AP5M1: variants seen among roughly 807,000 people sequenced by gnomAD.
AP5M1 encodes adaptor related protein complex 5 subunit mu 1.
Under a neutral mutation model 52.3 loss-of-function variants are expected in AP5M1, and 44 were observed. That is an observed-to-expected ratio of 0.84 (90% CI 0.66 to 1.08). AP5M1 has a LOEUF of 1.08. AP5M1 is among the 50% of genes least tolerant of loss of function. The pLI is 0.00. For synonymous variants in AP5M1, 213 were observed against 199.0 expected (o/e 1.07, Z -0.59); for missense variants, 526 against 568.4 (o/e 0.93, Z 0.76).
rs1252742159 is a variant in AP5M1 at position 57,294,625 on chromosome 14, G to T, written c.*5741G>T. On this transcript the variant is annotated 3_prime_UTR_variant, in exon 8 of 8. Coordinates refer to ENST00000261558, the MANE Select transcript of AP5M1 (RefSeq NM_018229.4). Reference sequence around the variant, plus strand: ...TCCACTGGTTTTATAGGTGTGTTTAGTGTGAAGAATGTGATACCATTGAAC... The same window carrying T: ...TCCACTGGTTTTATAGGTGTGTTTATTGTGAAGAATGTGATACCATTGAAC... 6.6e-6 allele frequency: 1 copy of T among 151,874 alleles called. No homozygotes were observed. The highest frequency in any genetic ancestry group is 2.4e-5 in the African/African-American group (1 of 41,404). The allele number at this position is 151,874 out of a possible 1,614,324, so 9.4% of individuals were successfully genotyped here. A position where few individuals can be genotyped will look rare whatever the true frequency, so the allele number is the denominator to read the frequency against.
At chr14:57,271,630 T>A (rs1884899179) in intron 1 of AP5M1, among the ~76,000 whole-genome samples, 1 of 141,676 alleles carries the variant, frequency 7.1e-6, no homozygotes, top group South Asian at 2.1e-4. Context: ...TTTACCATTG[T>A]CAATTAACTT....
chr14:57,274,823 A>G lies in AP5M1; in HGVS notation c.654A>G (p.Lys218=), dbSNP rs902107266. 6.2e-7 allele frequency: 1 copy of G among 1,614,216 alleles called. No individual in the cohort carries two copies. The highest frequency in any genetic ancestry group is 1.7e-5 in the Admixed American group (1 of 60,022). The stretch of plus-strand genomic sequence containing the variant: ...CTATTTCTATCACTGAAAAGGTAAA[A>G]TCCATGCAATATGATAAACAGGGTA... ...QVSISITEKV[K]SMQYDKQGIA... The change falls in exon 2 of 8, where the codon AAA becomes AAG. Residue 218 remains lysine (K), a synonymous_variant. Transcript: ENST00000261558.
chr14:57,283,973 T>G (rs926536635), intron 6 of AP5M1, among the ~76,000 whole-genome samples: 2 of 151,918 alleles, frequency 1.3e-5, no homozygotes, highest in African/African-American at 4.8e-5. Flanking sequence ...GGCGATAGAG[T>G]AAGACTCTGT....
chr14:57,274,740 C>G lies in AP5M1; in HGVS notation c.571C>G (p.Gln191Glu). The change falls in exon 2 of 8, where the codon CAG becomes GAG. Residue 191 changes from glutamine to glutamate, a missense_variant. By Grantham distance (29) the Gln-to-Glu change is conservative (BLOSUM62 2). Around this residue, in one of 3 missense-constraint regions of AP5M1, gnomAD observed 425 missense variants for 430.6 expected, o/e 0.99. Coordinates refer to ENST00000261558, the MANE Select transcript of AP5M1 (RefSeq NM_018229.4). ...LDNTNFASVT[Q>E]PQKQPAWKTG... ...TAATACCAATTTTGCATCTGTGACT[C>G]AGCCACAGAAACAGCCAGCTTGGAA... The G allele has an allele frequency of 6.2e-7, 1 of 1,614,156 alleles. No homozygotes were observed. The highest frequency in any genetic ancestry group is 1.1e-5 in the South Asian group (1 of 91,078).
chr14:57,271,532 A>C (rs1884895973), intron 1 of AP5M1, among the ~76,000 whole-genome samples: 1 of 151,616 alleles, frequency 6.6e-6, no homozygotes, highest in South Asian at 2.1e-4. Flanking sequence ...AAAGTTGCTT[A>C]TTTTTTCCTC....
chr14:57,276,296 C>G (rs1190372760), intron 2 of AP5M1, among the ~76,000 whole-genome samples: 1 of 152,126 alleles, frequency 6.6e-6, no homozygotes, highest in Non-Finnish European at 1.5e-5. Context: ...AAAAATATGG[C>G]CTGGCGCAGT....
At chr14:57,276,257 T>C (rs970864113) in intron 2 of AP5M1, among the ~76,000 whole-genome samples, 3 of 152,194 alleles carry the variant, frequency 2.0e-5, no homozygotes, top group African/African-American at 7.2e-5. Context: ...TAAATCTTTT[T>C]TCTCCTAAGT....
At chr14:57,276,100 C>T (rs1332556308) in intron 2 of AP5M1, among the ~76,000 whole-genome samples, 1 of 151,692 alleles carries the variant, frequency 6.6e-6, no homozygotes. Context: ...GTTAAAGTTA[C>T]CTAAAAGTTT....
At chr14:57,286,031 C>T (rs1249699595) in intron 6 of AP5M1, among the ~76,000 whole-genome samples, 192 bp from the exon 7 acceptor site, 1 of 151,142 alleles carries the variant, frequency 6.6e-6, no homozygotes, top group Non-Finnish European at 1.5e-5. Context: ...CTAATGCAAA[C>T]GGAAAAAAAA....
At chr14:57,278,708 G>T (rs1016600448) in intron 2 of AP5M1, 1 of 152,224 alleles carries the variant, frequency 6.6e-6, no homozygotes, top group African/African-American at 2.4e-5. Flanking sequence ...AAAGAACATT[G>T]CAGCTGCAAG....
Position 57,283,005 on chromosome 14 carries a change from T to C in AP5M1, c.1160T>C (p.Leu387Ser). Reference sequence around the variant, plus strand: ...GAAGTATTTCGAGAGAAAAGCTTATTGATCTGGATTATTGGTGAGCAAGTT... The same window carrying C: ...GAAGTATTTCGAGAGAAAAGCTTATCGATCTGGATTATTGGTGAGCAAGTT... Reference protein sequence around the residue: ...QLEVFREKSLLIWIIGQKFPK... With the variant: ...QLEVFREKSLSIWIIGQKFPK... The change falls in exon 5 of 8, where the codon TTG becomes TCG. Residue 387 changes from leucine (L) to serine (S), a missense_variant. This residue lies in a region of AP5M1 where 97 missense variants were observed against 121.3 expected (regional missense o/e 0.80). Transcript: ENST00000261558. The C allele has an allele frequency of 6.3e-7, 1 of 1,598,938 alleles. No homozygotes were observed. The highest frequency in any genetic ancestry group is 1.1e-5 in the South Asian group (1 of 87,996).
chr14:57,280,074 G>C (rs542435152), intron 2 of AP5M1, 121 bp from the exon 3 acceptor site: 114 of 751,140 alleles, frequency 1.5e-4, no homozygotes, highest in Non-Finnish European at 2.0e-4. Flanking sequence ...AGAAAGCAAA[G>C]AGAACAATAC....
chr14:57,269,463 T>C (rs574333380), intron 1 of AP5M1, 75 bp downstream of exon 1: 216 of 1,512,104 alleles, frequency 1.4e-4, no homozygotes, highest in Non-Finnish European at 1.9e-4. Context: ...TGGTGCTTCG[T>C]GGCCCAGGTT....
At chr14:57,277,815 G>A (rs745914960) in intron 2 of AP5M1, among the ~76,000 whole-genome samples, 2 of 151,396 alleles carry the variant, frequency 1.3e-5, no homozygotes, top group Non-Finnish European at 1.5e-5. Context: ...TGTTTTCTAC[G>A]CATAGAAATG....
At chr14:57,288,405 G>A (rs1453325738) in intron 7 of AP5M1, among the ~76,000 whole-genome samples, 2 of 151,994 alleles carry the variant, frequency 1.3e-5, no homozygotes, top group Non-Finnish European at 2.9e-5. Context: ...TTATATCTCT[G>A]ACACTTTGGG....
Position 57,294,619 on chromosome 14 carries a change from T to C in AP5M1, c.*5735T>C, listed in dbSNP as rs1272341918. 1 of 151,900 alleles carries C rather than the reference T, an allele frequency of 6.6e-6. No homozygotes were observed. The highest frequency in any genetic ancestry group is 2.4e-5 in the African/African-American group (1 of 41,410). The allele number at this position is 151,900 out of a possible 1,614,324, so 9.4% of individuals were successfully genotyped here. A position where few individuals can be genotyped will look rare whatever the true frequency, so the allele number is the denominator to read the frequency against. On this transcript the variant is annotated 3_prime_UTR_variant, in exon 8 of 8. Coordinates refer to ENST00000261558, the MANE Select transcript of AP5M1 (RefSeq NM_018229.4). Reference sequence around the variant, plus strand: ...CTTTTCTCCACTGGTTTTATAGGTGTGTTTAGTGTGAAGAATGTGATACCA... The same window carrying C: ...CTTTTCTCCACTGGTTTTATAGGTGCGTTTAGTGTGAAGAATGTGATACCA...
chr14:57,292,175 T>C lies in AP5M1; in HGVS notation c.*3291T>C, dbSNP rs1474803821. On this transcript the variant is annotated 3_prime_UTR_variant, in exon 8 of 8. Transcript: ENST00000261558. ...GGCAAAAAGCTAAACATGGGATGAA[T>C]TCTGAACCTTTTAACCTGGCTGAAG... is the stretch of plus-strand genomic sequence containing the variant. 3 of 151,890 alleles carry C rather than the reference T, an allele frequency of 2.0e-5. No homozygotes were observed. The highest frequency in any genetic ancestry group is 2.9e-5 in the Non-Finnish European group (2 of 67,860). The allele number at this position is 151,890 out of a possible 1,614,324, so 9.4% of individuals were successfully genotyped here. A position where few individuals can be genotyped will look rare whatever the true frequency, so the allele number is the denominator to read the frequency against.
intron 7 of AP5M1, among the ~76,000 whole-genome samples, chr14:57,286,984 T>TACACACAAACATACACACAC (rs1566519774): frequency 1.5e-5 from 2 of 134,994 alleles, no homozygotes; most frequent in East Asian, 3.9e-4. Context: ...TATATGTGTG[T>TACACACAAACATACACACAC]ACACACACAC....
intron 1 of AP5M1, among the ~76,000 whole-genome samples, chr14:57,269,901 C>T (rs1884839024): frequency 6.6e-6 from 1 of 152,164 alleles, no homozygotes; most frequent in Non-Finnish European, 1.5e-5. Flanking sequence ...CTCCGCCTCC[C>T]GGGTTCATGC....
Sources: gnomAD v4.1 joint callset for allele counts (sites outside exome capture counted in the v4.1 genomes callset) on GRCh38, gnomAD v4.1.1 for gene constraint, gnomAD v4.1.1 regional missense constraint, MANE v1.5 for transcripts, NCBI Gene and HGNC (gene_info 2026-07-23, HGNC 2026-07-21) for gene names.